Variants in MAP3K7CL observed in about 807,000 individuals in gnomAD.
MAP3K7CL encodes the protein MAP3K7 C-terminal-like protein.
Under a neutral mutation model 18.6 loss-of-function variants are expected in MAP3K7CL, and 16 were observed. The observed-to-expected ratio is 0.86, with a 90% CI of 0.58 to 1.31. The LOEUF (loss-of-function observed/expected upper bound fraction) is 1.31, where lower values mean the gene tolerates loss of function less well. Ranked by LOEUF, MAP3K7CL falls within the 50% of genes most tolerant of loss-of-function variation. MAP3K7CL has a pLI of 0.00. For missense variants in MAP3K7CL, 163 were observed against 174.4 expected, an observed-to-expected ratio of 0.93 and a Z score of 0.37; for synonymous variants, 65 against 66.8, an observed-to-expected ratio of 0.97 and a Z score of 0.13.
chr21:29,139,783 C>T (rs1346842604), intron 2 of MAP3K7CL, among the ~76,000 whole-genome samples: 1 of 152,010 alleles, frequency 6.6e-6, no homozygotes, highest in Non-Finnish European at 1.5e-5. Flanking sequence ...TGGGGTTTCC[C>T]CATGTTGACC....
At chr21:29,108,922 C>T in intron 4 of MAP3K7CL, 1 of 940,160 alleles carries the variant, frequency 1.1e-6, no homozygotes, top group South Asian at 1.8e-5. Context: ...GAAAATTAGT[C>T]AAAATGAGAA....
At chr21:29,092,775 T>G (rs2086052331) in intron 4 of MAP3K7CL, among the ~76,000 whole-genome samples, 1 of 152,236 alleles carries the variant, frequency 6.6e-6, no homozygotes, top group South Asian at 2.1e-4. Context: ...GATTTCACTT[T>G]CTCACCAGGC....
chr21:29,167,594 G>A (rs770464346), intron 4 of MAP3K7CL, among the ~76,000 whole-genome samples: 3 of 151,998 alleles, frequency 2.0e-5, no homozygotes, highest in Admixed American at 6.6e-5. Flanking sequence ...TTCCCAAAGG[G>A]AGAGGCTTTT....
intron 3 of MAP3K7CL, among the ~76,000 whole-genome samples, chr21:29,153,177 T>A (rs1304841187): frequency 6.6e-6 from 1 of 152,218 alleles, no homozygotes; most frequent in Non-Finnish European, 1.5e-5. Context: ...TCTCTATTAA[T>A]GCAAAATATT....
chr21:29,120,670 TTTTCTTTC>T (rs140249328), intron 4 of MAP3K7CL, among the ~76,000 whole-genome samples: 40 of 150,634 alleles, frequency 2.7e-4, no homozygotes, highest in Non-Finnish European at 4.3e-4. Flanking sequence ...CTTTCTTTCT[TTTTCTTTC>T]TTTCTTTCTT....
chr21:29,103,908 C>A (rs1461335969), intron 4 of MAP3K7CL, among the ~76,000 whole-genome samples: 1 of 152,046 alleles, frequency 6.6e-6, no homozygotes, highest in African/African-American at 2.4e-5. Flanking sequence ...TGTCTCAAAA[C>A]TAAACTAAAC....
intron 4 of MAP3K7CL, among the ~76,000 whole-genome samples, chr21:29,117,090 C>CT (rs2086516016): frequency 6.6e-6 from 1 of 152,058 alleles, no homozygotes; most frequent in Non-Finnish European, 1.5e-5. Flanking sequence ...TCTGTGAAAT[C>CT]TGTCTTAACT....
intron 4 of MAP3K7CL, among the ~76,000 whole-genome samples, chr21:29,094,525 A>G (rs1046677432): frequency 6.6e-6 from 1 of 152,192 alleles, no homozygotes; most frequent in African/African-American, 2.4e-5. Flanking sequence ...TTCACTATGC[A>G]TGGGTCGCTT....
At chr21:29,095,009 G>T (rs2086095497) in intron 4 of MAP3K7CL, among the ~76,000 whole-genome samples, 1 of 149,984 alleles carries the variant, frequency 6.7e-6, no homozygotes, top group South Asian at 2.1e-4. Context: ...AGTGAGCTGA[G>T]ATTGCACCAC....
At chr21:29,165,728 C>A (rs1261070977) in intron 4 of MAP3K7CL, among the ~76,000 whole-genome samples, 1 of 152,192 alleles carries the variant, frequency 6.6e-6, no homozygotes, top group Non-Finnish European at 1.5e-5. Flanking sequence ...TGTGCCACCA[C>A]TCTGGGCTAA....
chr21:29,119,169 A>G (rs1404197357), intron 4 of MAP3K7CL, among the ~76,000 whole-genome samples: 1 of 152,198 alleles, frequency 6.6e-6, no homozygotes, highest in East Asian at 1.9e-4. Flanking sequence ...TTTTTGTTAG[A>G]TCAACATTCA....
intron 4 of MAP3K7CL, among the ~76,000 whole-genome samples, chr21:29,116,362 T>C (rs186977147): frequency 6.9e-4 from 105 of 152,314 alleles, no homozygotes; most frequent in Admixed American, 2.4e-3. Context: ...AATGTAAATA[T>C]AAATGATGGA....
intron 4 of MAP3K7CL, among the ~76,000 whole-genome samples, chr21:29,168,499 T>G (rs2087747016): frequency 6.6e-6 from 1 of 152,170 alleles, no homozygotes. Context: ...TTTTAGTACT[T>G]AGGTTTTTGT....
intron 1 of MAP3K7CL, 47 bp downstream of exon 1, chr21:29,130,970 C>A (rs1426888263): frequency 5.2e-6 from 5 of 956,334 alleles, no homozygotes; most frequent in African/African-American, 1.8e-5. Flanking sequence ...AGATCAGCAG[C>A]AACTTAACCA....
chr21:29,153,473 A>G (rs1167396440), intron 3 of MAP3K7CL, among the ~76,000 whole-genome samples: 1 of 152,122 alleles, frequency 6.6e-6, no homozygotes, highest in African/African-American at 2.4e-5. Context: ...TTTGAGACAA[A>G]GTCTTGCTCT....
intron 2 of MAP3K7CL, chr21:29,091,639 C>G: frequency 1.4e-6 from 1 of 701,264 alleles, no homozygotes; most frequent in Non-Finnish European, 2.6e-6. Context: ...CCACATCCAG[C>G]TAAGTTTTTC....
rs188504942 is a variant in MAP3K7CL at position 29,161,789 on chromosome 21, G to C, written c.248+1733G>C. 5.3e-5 allele frequency among the ~76,000 whole-genome samples: 8 copies of C among 152,234 alleles called. No individual in the cohort carries two copies. In the East Asian group the frequency reaches 1.5e-3, roughly 29 times the overall value. On this transcript the variant is annotated intron_variant, in intron 4 of 4. Transcript: ENST00000399928. ...TGTGAAATCCTTACAATTTTTTTGAGACTCCCAGAATGGTGGTCGGACAGT... is the reference window on the plus strand; with the variant it reads ...TGTGAAATCCTTACAATTTTTTTGACACTCCCAGAATGGTGGTCGGACAGT...
At chr21:29,147,116 T>C (rs1016934035) in intron 2 of MAP3K7CL, among the ~76,000 whole-genome samples, 3 of 152,186 alleles carry the variant, frequency 2.0e-5, no homozygotes, top group African/African-American at 7.2e-5. Flanking sequence ...TAATTTAAAA[T>C]AGCTTTGGTT....
chr21:29,089,414 C>G (rs184872348), intron 1 of MAP3K7CL, among the ~76,000 whole-genome samples: 16 of 152,140 alleles, frequency 1.1e-4, no homozygotes, highest in African/African-American at 3.6e-4. Context: ...TTATCTATCT[C>G]ACATACATTA....
Sources: gnomAD v4.1 joint callset for allele counts (sites outside exome capture counted in the v4.1 genomes callset) on GRCh38, gnomAD v4.1.1 for gene constraint, MANE v1.5 for transcripts, NCBI Gene and HGNC (gene_info 2026-07-23, HGNC 2026-07-21) for gene names.